The following GRID1 variants were observed in gnomAD, a reference collection of about 807,000 sequenced individuals.
GRID1 encodes glutamate receptor ionotropic, delta-1.
In GRID1, 28 loss-of-function variants were observed where a neutral mutation model predicts 98.0. That is an observed-to-expected ratio of 0.29 (90% CI 0.21 to 0.39). GRID1 has a LOEUF of 0.39. Ranked by LOEUF, GRID1 falls within the 10% of genes least tolerant of loss-of-function variation. GRID1 has a pLI of 1.00. For missense variants in GRID1, 1,111 were observed against 1,340.5 expected, an observed-to-expected ratio of 0.83 and a Z score of 2.67; for synonymous variants, 553 against 538.5, an observed-to-expected ratio of 1.03 and a Z score of -0.37.
intron 3 of GRID1, among the ~76,000 whole-genome samples, chr10:86,197,520 G>C (rs747860943): frequency 1.3e-5 from 2 of 152,066 alleles, no homozygotes; most frequent in South Asian, 2.1e-4. Context: ...GGTCTGGGGA[G>C]TGTGGGTCTG....
chr10:85,805,701 T>C (rs895938551), intron 8 of GRID1, among the ~76,000 whole-genome samples: 37 of 151,882 alleles, frequency 2.4e-4, no homozygotes, highest in African/African-American at 8.4e-4. Context: ...TGAATGCATT[T>C]TCAACAAAGA....
chr10:85,864,351 A>T (rs1028136237), intron 6 of GRID1, among the ~76,000 whole-genome samples: 2 of 152,206 alleles, frequency 1.3e-5, no homozygotes, highest in Admixed American at 1.3e-4. Flanking sequence ...GGATGCAGGG[A>T]GCTCCACTCA....
intron 2 of GRID1, among the ~76,000 whole-genome samples, chr10:86,211,328 G>A (rs1279335640): frequency 6.6e-6 from 1 of 152,216 alleles, no homozygotes; most frequent in Non-Finnish European, 1.5e-5. Context: ...CAGGCTTGAT[G>A]GACTGATAAG....
chr10:86,350,541 T>A (rs1490663325), intron 2 of GRID1, among the ~76,000 whole-genome samples: 1 of 151,496 alleles, frequency 6.6e-6, no homozygotes, highest in East Asian at 2.1e-4. Flanking sequence ...CCCTAAGCAA[T>A]CCCTGCTTCA....
rs1842547629 is a variant in GRID1, at chr10:85,599,805, ATAT to A, written c.*2465_*2467del. ...GAAAATTCTAAAAAAAAAAAAAAAT[ATAT>A]ATATATATATATAAACATGGTGAAG... On this transcript the variant is annotated 3_prime_UTR_variant, in exon 16 of 16. Coordinates refer to ENST00000327946, the MANE Select transcript of GRID1 (RefSeq NM_017551.3). 2.7e-5 allele frequency: 3 copies of A among 112,868 alleles called. 1 individual carries two copies. Among genetic ancestry groups the A allele is most frequent in the Non-Finnish European group, 3.7e-5 (2 of 53,618 alleles). The allele number at this position is 112,868 out of a possible 1,614,324, so 7.0% of individuals were successfully genotyped here.
intron 8 of GRID1, among the ~76,000 whole-genome samples, chr10:85,771,411 C>A (rs1842265710): frequency 6.6e-6 from 1 of 152,100 alleles, no homozygotes; most frequent in Admixed American, 6.5e-5. Context: ...GAAACTGCAT[C>A]AACTAACGAG....
chr10:85,945,194 T>A (rs895498910), intron 4 of GRID1, among the ~76,000 whole-genome samples: 5 of 152,268 alleles, frequency 3.3e-5, no homozygotes, highest in Non-Finnish European at 1.5e-5. Flanking sequence ...TAAAACATAT[T>A]AGAATATATA....
chr10:85,928,312 C>T (rs185434673), intron 4 of GRID1, among the ~76,000 whole-genome samples: 1 of 152,310 alleles, frequency 6.6e-6, no homozygotes, highest in Non-Finnish European at 1.5e-5. Context: ...TACATAAATA[C>T]ATAAAGTTTG....
chr10:85,958,100 A>ACC, intron 4 of GRID1, among the ~76,000 whole-genome samples: 1 of 152,232 alleles, frequency 6.6e-6, no homozygotes, highest in South Asian at 2.1e-4. Flanking sequence ...TAACCTCTAG[A>ACC]AACCCCTCTG....
intron 4 of GRID1, among the ~76,000 whole-genome samples, chr10:86,025,311 G>A (rs554562449): frequency 9.2e-5 from 14 of 152,330 alleles, no homozygotes; most frequent in South Asian, 8.3e-4. Context: ...TGGTTTGCTC[G>A]TTTCTGAAGC....
chr10:86,190,684 G>A (rs1053527022), intron 3 of GRID1, among the ~76,000 whole-genome samples: 8 of 151,860 alleles, frequency 5.3e-5, no homozygotes, highest in East Asian at 1.9e-4. Flanking sequence ...TTGAGCTGCC[G>A]AGGCCCTCCA....
Position 86,099,799 on chromosome 10 carries a change from T to C in GRID1, c.726+39020A>G, listed in dbSNP as rs539608665. 1.8e-4 allele frequency among the ~76,000 whole-genome samples: 28 copies of C among 152,258 alleles called. No homozygotes were observed. The South Asian group carries it at 5.6e-3, about 31-fold the overall frequency. On this transcript the variant is annotated intron_variant, in intron 4 of 15. Transcript: ENST00000327946. ...GCTTCAGAGTCTGCAGACAGCAGCT[T>C]CTCTGGGGTCTCCATGCACAGGGGC...
chr10:85,793,651 C>T (rs949415185), intron 8 of GRID1, among the ~76,000 whole-genome samples: 1 of 152,104 alleles, frequency 6.6e-6, no homozygotes, highest in African/African-American at 2.4e-5. Context: ...CTGATAGTAA[C>T]ATTTACAAGG....
chr10:86,013,000 T>G (rs1247127940), intron 4 of GRID1, among the ~76,000 whole-genome samples: 1 of 152,190 alleles, frequency 6.6e-6, no homozygotes, highest in Non-Finnish European at 1.5e-5. Context: ...GAATGCTGGA[T>G]CTTGACTAAT....
At chr10:85,807,155 G>C (rs1842629854) in intron 8 of GRID1, among the ~76,000 whole-genome samples, 1 of 152,020 alleles carries the variant, frequency 6.6e-6, no homozygotes, top group South Asian at 2.1e-4. Context: ...TTTGAGACCA[G>C]CCTGGCCAAC....
intron 13 of GRID1, among the ~76,000 whole-genome samples, chr10:85,626,576 T>G (rs763460033): frequency 1.3e-5 from 2 of 152,214 alleles, no homozygotes; most frequent in Non-Finnish European, 2.9e-5. Flanking sequence ...ACCTGACACA[T>G]TCTCATGTAC....
chr10:85,856,167 G>A lies in GRID1; in HGVS notation c.975C>T (p.Asp325=). 1.2e-6 allele frequency: 2 copies of A among 1,614,128 alleles called. No individual in the cohort carries two copies. Among genetic ancestry groups the A allele is most frequent in the Non-Finnish European group, 1.7e-6 (2 of 1,179,978 alleles). ...AGGCGTTGGCCAGCATCAGAACACT[G>A]TCATACAGATAGAGGTTGGAGATCT... The part of the protein sequence containing the change: ...MLQISNLYLY[D]SVLMLANAFH... The change falls in exon 7 of 16, where the codon GAC becomes GAT. Residue 325 remains aspartate, a synonymous_variant. Coordinates refer to ENST00000327946, the MANE Select transcript of GRID1 (RefSeq NM_017551.3).
intron 4 of GRID1, among the ~76,000 whole-genome samples, chr10:85,948,756 G>C: frequency 6.6e-6 from 1 of 152,172 alleles, no homozygotes; most frequent in East Asian, 1.9e-4. Flanking sequence ...CAAGAAAAAA[G>C]ATCCTGTTTT....
intron 4 of GRID1, among the ~76,000 whole-genome samples, chr10:86,067,476 G>C (rs954364258): frequency 6.6e-6 from 1 of 152,220 alleles, no homozygotes; most frequent in Non-Finnish European, 1.5e-5. Context: ...AAACTGGGAG[G>C]CATCAGGTAT....
Sources: allele counts gnomAD v4.1 joint callset (sites outside exome capture counted in the v4.1 genomes callset), GRCh38; gene constraint gnomAD v4.1.1; transcripts MANE v1.5; gene names NCBI Gene and HGNC (gene_info 2026-07-23, HGNC 2026-07-21).